Variants in RIMS1 observed in about 807,000 individuals in gnomAD.
RIMS1 encodes the protein regulating synaptic membrane exocytosis protein 1.
RIMS1 carries 83 observed loss-of-function variants against 214.1 expected under a neutral mutation model. The ratio of observed to expected loss-of-function variants is 0.39; its 90% confidence interval spans 0.32 to 0.47. RIMS1 has a LOEUF of 0.47. Among genes scored for constraint, RIMS1 ranks in the 20% least tolerant of loss-of-function variants. The pLI is 0.99. For missense variants in RIMS1, 2,050 were observed against 2,161.8 expected (o/e 0.95, Z 1.03); for synonymous variants, 793 against 786.8 (o/e 1.01, Z -0.13).
chr6:71,965,037 G>T (rs1794047526), intron 1 of RIMS1, among the ~76,000 whole-genome samples: 1 of 152,084 alleles, frequency 6.6e-6, no homozygotes, highest in Non-Finnish European at 1.5e-5. Context: ...TGCTCCTAAG[G>T]TCTCTTAGGA....
chr6:72,208,787 C>T (rs182770847), intron 6 of RIMS1, among the ~76,000 whole-genome samples: 9 of 152,246 alleles, frequency 5.9e-5, no homozygotes, highest in Admixed American at 1.3e-4. Context: ...CCTACCCAAA[C>T]GTCTTCTCTC....
intron 31 of RIMS1, among the ~76,000 whole-genome samples, chr6:72,394,366 A>G (rs1222475676): frequency 6.6e-6 from 1 of 151,926 alleles, no homozygotes. Context: ...ATAATATTCT[A>G]GTTCACAAAG....
chr6:72,348,087 A>C (rs1231717059), intron 29 of RIMS1, among the ~76,000 whole-genome samples: 1 of 151,896 alleles, frequency 6.6e-6, no homozygotes, highest in Non-Finnish European at 1.5e-5. Context: ...ATGGTATAAT[A>C]TTTCATTTAA....
At chr6:72,379,874 G>C (rs2098455905) in intron 29 of RIMS1, among the ~76,000 whole-genome samples, 1 of 152,124 alleles carries the variant, frequency 6.6e-6, no homozygotes. Flanking sequence ...TCTGGTCCAG[G>C]CTCCACTTGG....
Position 71,934,290 on chromosome 6 carries a change from G to C in RIMS1, c.165-34693G>C, listed in dbSNP as rs992015112. Among the ~76,000 whole-genome samples the C allele has an allele frequency of 2.6e-5, 4 of 152,088 alleles. No homozygotes were observed. The East Asian group carries it at 7.7e-4, about 29-fold the overall frequency. On this transcript the variant is annotated intron_variant, in intron 1 of 33. Transcript: ENST00000521978. ...TAGTCAGAGTGGTTTGAAAACTCTT[G>C]GCGCCTAACATAAAAGCCAGAAATA... is the stretch of plus-strand genomic sequence containing the variant.
At chr6:72,022,836 A>T (rs1346616090) in intron 2 of RIMS1, among the ~76,000 whole-genome samples, 3 of 152,192 alleles carry the variant, frequency 2.0e-5, no homozygotes, top group Non-Finnish European at 4.4e-5. Flanking sequence ...ATGAATCCTA[A>T]AGCAGGAGGA....
intron 1 of RIMS1, among the ~76,000 whole-genome samples, chr6:71,961,039 C>T (rs1412592381): frequency 6.6e-6 from 1 of 152,090 alleles, no homozygotes; most frequent in Non-Finnish European, 1.5e-5. Context: ...TCAGATGTCT[C>T]CCTTCTTCCC....
intron 2 of RIMS1, among the ~76,000 whole-genome samples, chr6:72,013,803 G>T (rs751360282): frequency 3.9e-5 from 6 of 152,140 alleles, no homozygotes; most frequent in Admixed American, 6.5e-5. Flanking sequence ...TCACAAAGTT[G>T]TGCAACCTTC....
chr6:72,385,057 A>T (rs2098562023), intron 29 of RIMS1, among the ~76,000 whole-genome samples: 1 of 152,292 alleles, frequency 6.6e-6, no homozygotes. Context: ...GGATTTTAGT[A>T]ATTTTTCATG....
At chr6:72,030,411 A>G (rs546234171) in intron 2 of RIMS1, among the ~76,000 whole-genome samples, 11 of 152,304 alleles carry the variant, frequency 7.2e-5, no homozygotes, top group Non-Finnish European at 1.5e-4. Flanking sequence ...AAGCTGTTGT[A>G]GTGTTAGGAC....
intron 27 of RIMS1, among the ~76,000 whole-genome samples, chr6:72,309,838 G>A (rs187418435): frequency 2.2e-4 from 33 of 151,934 alleles, no homozygotes; most frequent in Admixed American, 6.6e-5. Context: ...TCAAGTAGAA[G>A]ATAAAATACT....
chr6:72,234,796 A>G (rs955535634), intron 7 of RIMS1, among the ~76,000 whole-genome samples: 6 of 151,968 alleles, frequency 3.9e-5, no homozygotes, highest in Non-Finnish European at 8.8e-5. Context: ...CTTTTCCAGA[A>G]TGTCACATGG....
chr6:72,304,424 G>A (rs1248556186), intron 26 of RIMS1, among the ~76,000 whole-genome samples: 1 of 151,694 alleles, frequency 6.6e-6, no homozygotes, highest in African/African-American at 2.4e-5. Context: ...CACATTTCAA[G>A]AATTCAATTA....
intron 15 of RIMS1, 79 bp from the exon 16 acceptor site, chr6:72,252,682 A>T (rs1192174113): frequency 1.7e-6 from 2 of 1,169,104 alleles, no homozygotes; most frequent in Non-Finnish European, 2.5e-6. Context: ...TTCACTTTTT[A>T]AAAAAAGTTT....
At chr6:72,113,814 G>A (rs545207939) in intron 4 of RIMS1, among the ~76,000 whole-genome samples, 1 of 152,036 alleles carries the variant, frequency 6.6e-6, no homozygotes, top group Non-Finnish European at 1.5e-5. Context: ...AAATGCAAAT[G>A]ATATTGAAAT....
intron 2 of RIMS1, among the ~76,000 whole-genome samples, chr6:72,007,373 A>G (rs1167873230): frequency 6.6e-6 from 1 of 152,212 alleles, no homozygotes; most frequent in Non-Finnish European, 1.5e-5. Flanking sequence ...AAAGATGGGG[A>G]AAAAACAGAG....
rs2048511019 is a variant in RIMS1, at chr6:72,182,292, C to T, written c.821C>T (p.Thr274Ile). 1.3e-6 allele frequency: 2 copies of T among 1,592,060 alleles called. No individual in the cohort carries two copies. Among genetic ancestry groups the T allele is most frequent in the African/African-American group, 2.7e-5 (2 of 73,734 alleles). Residue 274 changes from threonine to isoleucine, a missense_variant, in exon 6 of 34, where the codon ACC becomes ATC. Transcript: ENST00000521978. ...RSEPPRERKK[T>I]PGLSEQNGKG... Reference sequence around the variant, plus strand: ...TCCTTTGTATATCATAGAAAGAAGACCCCAGGGCTTTCCGAGCAGAATGGC... The same window carrying T: ...TCCTTTGTATATCATAGAAAGAAGATCCCAGGGCTTTCCGAGCAGAATGGC...
intron 29 of RIMS1, among the ~76,000 whole-genome samples, chr6:72,371,139 T>C (rs940180590): frequency 6.6e-6 from 1 of 152,186 alleles, no homozygotes; most frequent in South Asian, 2.1e-4. Context: ...TGTCTGTGTC[T>C]GTATGTGTAT....
At chr6:72,248,758 C>A (rs1405040804) in intron 12 of RIMS1, among the ~76,000 whole-genome samples, 1 of 152,154 alleles carries the variant, frequency 6.6e-6, no homozygotes, top group East Asian at 1.9e-4. Flanking sequence ...AAATAATGAC[C>A]TTTTGCTCCT....
Sources: allele counts gnomAD v4.1 joint callset (sites outside exome capture counted in the v4.1 genomes callset), GRCh38; gene constraint gnomAD v4.1.1; transcripts MANE v1.5; gene names NCBI Gene and HGNC (gene_info 2026-07-23, HGNC 2026-07-21).